The following LRMDA variants were observed in gnomAD, a reference collection of about 807,000 sequenced individuals.
LRMDA encodes the protein leucine-rich melanocyte differentiation-associated protein.
LRMDA carries 18 observed loss-of-function variants against 29.8 expected under a neutral mutation model. That is an observed-to-expected ratio of 0.60 (90% CI 0.42 to 0.90). The LOEUF (loss-of-function observed/expected upper bound fraction) is 0.90. Among genes scored for constraint, LRMDA ranks in the 40% least tolerant of loss-of-function variants. The probability of loss-of-function intolerance (pLI) is 0.00; values close to 1 mark genes in which losing one functional copy is unlikely to be tolerated. For missense variants in LRMDA, 273 were observed against 273.9 expected, an observed-to-expected ratio of 1.00 and a Z score of 0.02; for synonymous variants, 125 against 109.4, an observed-to-expected ratio of 1.14 and a Z score of -0.89.
intron 2 of LRMDA, among the ~76,000 whole-genome samples, chr10:75,775,075 G>A (rs1843293575): frequency 6.6e-6 from 1 of 152,222 alleles, no homozygotes. Flanking sequence ...CTTCACAGAA[G>A]TGGATTGTTC....
At chr10:75,524,164 C>T (rs533246921) in intron 2 of LRMDA, among the ~76,000 whole-genome samples, 3 of 152,202 alleles carry the variant, frequency 2.0e-5, no homozygotes, top group African/African-American at 4.8e-5. Flanking sequence ...ACCCAATGAA[C>T]GACTTTATAG....
intron 2 of LRMDA, among the ~76,000 whole-genome samples, chr10:75,707,362 T>C (rs1274325531): frequency 6.6e-6 from 1 of 152,140 alleles, no homozygotes; most frequent in African/African-American, 2.4e-5. Flanking sequence ...CCAGGGCCCT[T>C]GCAGAAACCC....
chr10:76,391,099 C>T (rs1331383261), intron 6 of LRMDA, among the ~76,000 whole-genome samples: 1 of 152,148 alleles, frequency 6.6e-6, no homozygotes, highest in Non-Finnish European at 1.5e-5. Flanking sequence ...GGAATAAAAC[C>T]TCTAACCAAT....
chr10:76,225,657 C>A (rs1851939613), intron 5 of LRMDA, among the ~76,000 whole-genome samples: 1 of 151,478 alleles, frequency 6.6e-6, no homozygotes, highest in African/African-American at 2.4e-5. Flanking sequence ...AGTCCATGTT[C>A]ACACTGCTGT....
chr10:75,503,563 A>G (rs1366805312), intron 2 of LRMDA, among the ~76,000 whole-genome samples: 2 of 151,990 alleles, frequency 1.3e-5, no homozygotes, highest in Non-Finnish European at 2.9e-5. Flanking sequence ...GTTATAAACC[A>G]TGACTATTGG....
intron 2 of LRMDA, among the ~76,000 whole-genome samples, chr10:75,974,931 G>T (rs1048951488): frequency 3.3e-5 from 5 of 152,136 alleles, no homozygotes; most frequent in Non-Finnish European, 7.3e-5. Flanking sequence ...TCCCCAAAAA[G>T]TTCACTTGTG....
chr10:76,380,708 A>G (rs185781396), intron 6 of LRMDA, among the ~76,000 whole-genome samples: 1 of 150,992 alleles, frequency 6.6e-6, no homozygotes, highest in African/African-American at 2.4e-5. Flanking sequence ...TATACATAAT[A>G]TAGCCTATAA....
chr10:75,577,788 A>G (rs982983494), intron 2 of LRMDA, among the ~76,000 whole-genome samples: 1 of 152,174 alleles, frequency 6.6e-6, no homozygotes, highest in African/African-American at 2.4e-5. Flanking sequence ...CAGCTAAACT[A>G]AGCTTCATAA....
chr10:76,417,433 A>G (rs1842027793), intron 6 of LRMDA, among the ~76,000 whole-genome samples: 1 of 152,172 alleles, frequency 6.6e-6, no homozygotes, highest in Admixed American at 6.5e-5. Context: ...AAATCATAGT[A>G]TACAACTTTA....
chr10:76,272,360 G>A (rs951073714), intron 5 of LRMDA, among the ~76,000 whole-genome samples: 1 of 152,142 alleles, frequency 6.6e-6, no homozygotes, highest in African/African-American at 2.4e-5. Flanking sequence ...GAGCTGCTTT[G>A]TTTCCAGATA....
At chr10:75,443,046 G>A (rs887323634) in intron 2 of LRMDA, among the ~76,000 whole-genome samples, 2 of 151,964 alleles carry the variant, frequency 1.3e-5, no homozygotes, top group African/African-American at 4.8e-5. Flanking sequence ...GCTGATTTTT[G>A]TGTGTTGATT....
intron 2 of LRMDA, among the ~76,000 whole-genome samples, chr10:75,474,377 G>A (rs1002343691): frequency 6.6e-6 from 1 of 152,190 alleles, no homozygotes; most frequent in Non-Finnish European, 1.5e-5. Context: ...CCAAGATCAA[G>A]GGACTGGCAG....
At chr10:76,007,187 C>T in intron 2 of LRMDA, among the ~76,000 whole-genome samples, 1 of 152,132 alleles carries the variant, frequency 6.6e-6, no homozygotes, top group East Asian at 1.9e-4. Flanking sequence ...ATTTTGTTCT[C>T]TGTAAAATAA....
intron 5 of LRMDA, among the ~76,000 whole-genome samples, chr10:76,238,246 A>G (rs1003823851): frequency 7.2e-5 from 11 of 152,126 alleles, no homozygotes; most frequent in African/African-American, 2.2e-4. Flanking sequence ...GCTTGTGGTG[A>G]GCCGGGGTTG....
chr10:75,529,773 C>T (rs1845455600), intron 2 of LRMDA, among the ~76,000 whole-genome samples: 1 of 152,140 alleles, frequency 6.6e-6, no homozygotes, highest in Non-Finnish European at 1.5e-5. Context: ...ATATCTTACA[C>T]AATTATAGCA....
chr10:76,235,300 T>C (rs149598713), intron 5 of LRMDA, among the ~76,000 whole-genome samples: 70 of 152,178 alleles, frequency 4.6e-4, no homozygotes, highest in African/African-American at 1.5e-3. Flanking sequence ...ACAATTAGGA[T>C]AATGAAATCA....
chr10:76,484,610 A>T (rs959613468), intron 6 of LRMDA, among the ~76,000 whole-genome samples: 1 of 151,882 alleles, frequency 6.6e-6, no homozygotes, highest in African/African-American at 2.4e-5. Flanking sequence ...GATAAAACTG[A>T]TTTTTGTATA....
chr10:76,108,221 T>G (rs1013446359), intron 5 of LRMDA, among the ~76,000 whole-genome samples: 2 of 152,162 alleles, frequency 1.3e-5, no homozygotes, highest in Admixed American at 1.3e-4. Context: ...TAATTGGGTC[T>G]CTGATCCAAT....
At chr10:76,288,901 T>C (rs1011373187) in intron 5 of LRMDA, among the ~76,000 whole-genome samples, 4 of 152,304 alleles carry the variant, frequency 2.6e-5, no homozygotes, top group Admixed American at 2.6e-4. Context: ...GAAGCCTTGC[T>C]CTCTGCCCAT....
Sources: gnomAD v4.1 joint callset for allele counts (sites outside exome capture counted in the v4.1 genomes callset) on GRCh38, gnomAD v4.1.1 for gene constraint, MANE v1.5 for transcripts, NCBI Gene and HGNC (gene_info 2026-07-23, HGNC 2026-07-21) for gene names.